DIAPH3: variants seen among roughly 807,000 people sequenced by gnomAD.
The protein encoded by DIAPH3 is protein diaphanous homolog 3.
Under a neutral mutation model 144.3 loss-of-function variants are expected in DIAPH3, and 117 were observed. The observed-to-expected ratio is 0.81, with a 90% CI of 0.70 to 0.95. The LOEUF (loss-of-function observed/expected upper bound fraction) is 0.95, where lower values mean the gene tolerates loss of function less well. DIAPH3 is among the 40% of genes least tolerant of loss of function. The pLI is 0.00. For synonymous variants in DIAPH3, 519 were observed against 488.9 expected (o/e 1.06, Z -0.81); for missense variants, 1,421 against 1,412.7 (o/e 1.01, Z -0.09).
chr13:59,992,574 T>G lies in DIAPH3; in HGVS notation c.1024A>C (p.Met342Leu). Residue 342 changes from methionine (M) to leucine (L), a missense_variant, in exon 10 of 28, where the codon ATG becomes CTG. By Grantham distance (15) the Met-to-Leu change is conservative (BLOSUM62 2). Transcript: ENST00000400324. ...HNSVQLQVAC[M>L]QLINALVTSP... ...GTAACCAGGGCATTGATGAGCTGCATACAAGCTACCTACAAGAGATCAAAC... is the reference window on the plus strand; with the variant it reads ...GTAACCAGGGCATTGATGAGCTGCAGACAAGCTACCTACAAGAGATCAAAC... The G allele has an allele frequency of 6.2e-7, 1 of 1,611,596 alleles. No homozygotes were observed. The highest frequency in any genetic ancestry group is 8.5e-7 in the Non-Finnish European group (1 of 1,178,696).
At chr13:60,035,450 A>T (rs2055141345) in intron 5 of DIAPH3, among the ~76,000 whole-genome samples, 1 of 152,194 alleles carries the variant, frequency 6.6e-6, no homozygotes, top group Non-Finnish European at 1.5e-5. Flanking sequence ...CTAGGTTTGG[A>T]AGGACTGTGA....
chr13:60,020,186 T>G (rs879305223), intron 5 of DIAPH3, among the ~76,000 whole-genome samples: 7 of 152,112 alleles, frequency 4.6e-5, no homozygotes, highest in Non-Finnish European at 1.0e-4. Flanking sequence ...TTGTTACATA[T>G]AAGAGGTTAT....
intron 27 of DIAPH3, among the ~76,000 whole-genome samples, chr13:59,765,265 G>A (rs1261754474): frequency 1.3e-5 from 2 of 152,100 alleles, no homozygotes; most frequent in African/African-American, 4.8e-5. Context: ...TCCATTCTAT[G>A]TGCCATTCTT....
At position 59,795,745 on chromosome 13, in the gene DIAPH3, G is replaced by A. The variant is rs535787891; in HGVS notation, c.3163+15043C>T. Among the ~76,000 whole-genome samples, 19 of 152,222 alleles carry A rather than the reference G, an allele frequency of 1.2e-4. No homozygotes were observed. In the South Asian group the frequency reaches 3.1e-3, roughly 25 times the overall value. ...TGGGATTACAGGCGTGAAACACTGC[G>A]CCTGGCCAGGTATGTCATTCTTGAA... On this transcript the variant is annotated intron_variant, in intron 25 of 27. Coordinates refer to ENST00000400324, the MANE Select transcript of DIAPH3 (RefSeq NM_001042517.2).
At chr13:59,670,727 C>A (rs994330821) in intron 27 of DIAPH3, among the ~76,000 whole-genome samples, 1 of 151,866 alleles carries the variant, frequency 6.6e-6, no homozygotes, top group Non-Finnish European at 1.5e-5. Context: ...GGACTACAGG[C>A]GCCCGCCACC....
intron 9 of DIAPH3, among the ~76,000 whole-genome samples, chr13:60,001,088 T>C (rs1352721703): frequency 6.6e-6 from 1 of 152,156 alleles, no homozygotes; most frequent in Non-Finnish European, 1.5e-5. Flanking sequence ...TCTTCAAGGA[T>C]GTGTGTATAC....
At chr13:59,739,653 C>T (rs1354602070) in intron 27 of DIAPH3, among the ~76,000 whole-genome samples, 1 of 152,112 alleles carries the variant, frequency 6.6e-6, no homozygotes, top group African/African-American at 2.4e-5. Flanking sequence ...AAAACTGAGA[C>T]ATAGAGAGAT....
intron 27 of DIAPH3, among the ~76,000 whole-genome samples, chr13:59,687,649 T>C (rs757121563): frequency 6.6e-6 from 1 of 152,040 alleles, no homozygotes; most frequent in African/African-American, 2.4e-5. Flanking sequence ...ACTCAGAGAA[T>C]GTTAGGATAA....
In DIAPH3 at chr13:59,879,596, T is replaced by C; in HGVS notation, c.2368-128A>G. ...AAAGAAGAAATATGTCTCCTAAAAC[T>C]GATAGCAGGAAGAGAGAAAAGCCCT... On this transcript the variant is annotated intron_variant, in intron 20 of 27. Transcript: ENST00000400324. 4.6e-6 allele frequency: 6 copies of C among 1,316,438 alleles called. 1 individual carries two copies. The South Asian group carries it at 8.3e-5, about 18-fold the overall frequency. The allele number at this position is 1,316,438 out of a possible 1,614,324, so 81.5% of individuals were successfully genotyped here.
intron 15 of DIAPH3, 124 bp from the exon 16 acceptor site, chr13:59,971,284 A>T: frequency 1.1e-6 from 1 of 904,196 alleles, no homozygotes; most frequent in South Asian, 2.0e-5. Context: ...TAATTTCATA[A>T]GGTTTAACCA....
chr13:59,747,153 T>C (rs945472775), intron 27 of DIAPH3, among the ~76,000 whole-genome samples: 3 of 151,950 alleles, frequency 2.0e-5, no homozygotes, highest in Non-Finnish European at 4.4e-5. Context: ...CAAACCAAAC[T>C]ATAAACAAAT....
Position 59,888,253 on chromosome 13 carries a change from C to T in DIAPH3, c.2368-8785G>A, listed in dbSNP as rs1029563972. On this transcript the variant is annotated intron_variant, in intron 20 of 27. Coordinates refer to ENST00000400324, the MANE Select transcript of DIAPH3 (RefSeq NM_001042517.2). Reference sequence around the variant, plus strand: ...GAGGGTCCAGAGAGCTGCCTTGTCCCTCCACCATCTCAGAACACAGATAGA... The same window carrying T: ...GAGGGTCCAGAGAGCTGCCTTGTCCTTCCACCATCTCAGAACACAGATAGA... 3.3e-5 allele frequency among the ~76,000 whole-genome samples: 5 copies of T among 152,016 alleles called. No individual in the cohort carries two copies. In the South Asian group the frequency reaches 6.2e-4, roughly 19 times the overall value.
At chr13:59,934,302 T>C (rs1403089366) in intron 17 of DIAPH3, among the ~76,000 whole-genome samples, 1 of 152,154 alleles carries the variant, frequency 6.6e-6, no homozygotes. Flanking sequence ...AGCATAGATA[T>C]TATTAAATTT....
chr13:60,115,519 A>G (rs1436180344), intron 2 of DIAPH3, among the ~76,000 whole-genome samples: 1 of 152,200 alleles, frequency 6.6e-6, no homozygotes, highest in Non-Finnish European at 1.5e-5. Context: ...TGACTACAAC[A>G]TTAATAGAGT....
intron 1 of DIAPH3, among the ~76,000 whole-genome samples, chr13:60,159,445 G>A (rs1213901597): frequency 2.0e-5 from 3 of 151,980 alleles, no homozygotes; most frequent in East Asian, 1.9e-4. Flanking sequence ...GGCCAACATG[G>A]TGAAGCCTCA....
intron 27 of DIAPH3, among the ~76,000 whole-genome samples, chr13:59,749,499 G>A: frequency 8.7e-6 from 1 of 114,494 alleles, no homozygotes; most frequent in Non-Finnish European, 1.6e-5. Flanking sequence ...CAGCCTGGGT[G>A]ACAGAGCGAG....
intron 27 of DIAPH3, among the ~76,000 whole-genome samples, chr13:59,680,565 C>CT (rs74919349): frequency 1.7e-3 from 235 of 142,008 alleles, no homozygotes; most frequent in Middle Eastern, 7.7e-3. Context: ...TTTCCTTAGT[C>CT]TTTTTTTTTT....
intron 22 of DIAPH3, among the ~76,000 whole-genome samples, chr13:59,860,466 C>T (rs927428230): frequency 2.6e-5 from 4 of 152,080 alleles, no homozygotes; most frequent in African/African-American, 2.4e-5. Flanking sequence ...AGGCCGGGCG[C>T]GGTGGCTCAT....
At chr13:59,809,457 G>A (rs1270861231) in intron 25 of DIAPH3, among the ~76,000 whole-genome samples, 4 of 149,808 alleles carry the variant, frequency 2.7e-5, no homozygotes, top group Non-Finnish European at 4.4e-5. Flanking sequence ...AGCCGAGATC[G>A]CGCCATTGCA....
Sources: gnomAD v4.1 joint callset for allele counts (sites outside exome capture counted in the v4.1 genomes callset) on GRCh38, gnomAD v4.1.1 for gene constraint, MANE v1.5 for transcripts, NCBI Gene and HGNC (gene_info 2026-07-23, HGNC 2026-07-21) for gene names.